The following MCM5 variants were observed in gnomAD, a reference collection of about 807,000 sequenced individuals.
MCM5 encodes the protein DNA replication licensing factor MCM5.
A neutral mutation model predicts 79.9 loss-of-function variants in MCM5; 46 were observed. That is an observed-to-expected ratio of 0.58 (90% CI 0.45 to 0.74). MCM5 has a LOEUF of 0.74. Among genes scored for constraint, MCM5 ranks in the 30% least tolerant of loss-of-function variants. The pLI is 0.00. For missense variants in MCM5, 883 were observed against 1,017.0 expected (o/e 0.87, Z 1.79); for synonymous variants, 404 against 390.5 (o/e 1.03, Z -0.41).
At chr22:35,445,106 C>G in the MCM5 span, among the ~76,000 whole-genome samples, 1 of 152,154 alleles carries the variant, frequency 6.6e-6, no homozygotes, top group Non-Finnish European at 1.5e-5. Context: ...TGGGGTCACA[C>G]CAGCCTGGGG....
chr22:35,431,373 G>C, the MCM5 span, among the ~76,000 whole-genome samples: 404 of 152,344 alleles, frequency 2.7e-3, 8 homozygotes, highest in African/African-American at 9.4e-3. Flanking sequence ...AGCAGTCTCT[G>C]AGAATCAGTC....
the MCM5 span, among the ~76,000 whole-genome samples, chr22:35,444,932 GT>G: frequency 1.3e-5 from 2 of 152,230 alleles, no homozygotes; most frequent in Non-Finnish European, 2.9e-5. Context: ...AAGAATGCCA[GT>G]TATGCTCATG....
At chr22:35,403,186 C>A in intron 2 of MCM5, 21 bp from the exon 3 acceptor site, 2 of 1,613,408 alleles carry the variant, frequency 1.2e-6, no homozygotes, top group Non-Finnish European at 1.7e-6. Flanking sequence ...CCTGCCCCAC[C>A]CTGCTATGTG....
the MCM5 span, among the ~76,000 whole-genome samples, chr22:35,436,967 CTCGCG>C: frequency 1.7e-5 from 2 of 116,922 alleles, no homozygotes; most frequent in African/African-American, 5.4e-5. Context: ...AAGACTCAGC[CTCGCG>C]TCACTAGGGC....
At chr22:35,422,435 G>C (rs550415216) in intron 15 of MCM5, 3 of 152,564 alleles carry the variant, frequency 2.0e-5, no homozygotes, top group Non-Finnish European at 4.4e-5. Flanking sequence ...GGAGGGAGCA[G>C]GTTTGGTGCA....
chr22:35,428,270 C>T (rs1932790837), downstream of MCM5, among the ~76,000 whole-genome samples: 2 of 152,010 alleles, frequency 1.3e-5, no homozygotes, highest in Non-Finnish European at 2.9e-5. Flanking sequence ...GATCTGCCCA[C>T]CTTGGCCTCC....
intron 12 of MCM5, 41 bp downstream of exon 12, chr22:35,416,855 C>T: frequency 6.3e-7 from 1 of 1,596,176 alleles, no homozygotes; most frequent in Non-Finnish European, 8.6e-7. Context: ...GGACCTGCCT[C>T]CAGGCAGGCT....
At chr22:35,446,659 C>T in the MCM5 span, among the ~76,000 whole-genome samples, 7 of 152,236 alleles carry the variant, frequency 4.6e-5, no homozygotes, top group Admixed American at 6.5e-5. Context: ...GCTGCCCGTC[C>T]GCAGTGGGAG....
At chr22:35,403,161 C>T in intron 2 of MCM5, 46 bp from the exon 3 acceptor site, 2 of 1,603,420 alleles carry the variant, frequency 1.2e-6, no homozygotes, top group South Asian at 1.1e-5. Context: ...TTGGTTTCCT[C>T]TTCTTTGCAC....
At chr22:35,449,651 C>T in the MCM5 span, among the ~76,000 whole-genome samples, 2 of 152,096 alleles carry the variant, frequency 1.3e-5, no homozygotes, top group Non-Finnish European at 2.9e-5. Context: ...TGCCCCCGCC[C>T]ATGCTGACAT....
rs1932528052 is a variant in MCM5, at chr22:35,415,953, G to A, written c.1328G>A (p.Cys443Tyr). The A allele has an allele frequency of 1.2e-6, 2 of 1,613,628 alleles. No homozygotes were observed. Among genetic ancestry groups the A allele is most frequent in the Admixed American group, 3.3e-5 (2 of 60,004 alleles). Residue 443 changes from cysteine to tyrosine, a missense_variant, in exon 10 of 17, where the codon TGT becomes TAT. Physicochemically the swap from Cys to Tyr is radical, Grantham distance 194. This residue lies in a region of MCM5 where 426 missense variants were observed against 482.3 expected (regional missense o/e 0.88). Transcript: ENST00000216122. ...GTCCTGGCCGATGGTGGGGTCGTCT[G>A]TATTGACGAGTTTGACAAGGTGAGT... ...AMVLADGGVV[C>Y]IDEFDKMRED...
the MCM5 span, among the ~76,000 whole-genome samples, chr22:35,453,799 G>GATATATAT: frequency 8.9e-3 from 812 of 91,066 alleles, 23 homozygotes; most frequent in Admixed American, 0.031. Flanking sequence ...AGAGACAAAA[G>GATATATAT]ATATATATAT....
At chr22:35,449,343 T>C in the MCM5 span, among the ~76,000 whole-genome samples, 2 of 152,190 alleles carry the variant, frequency 1.3e-5, no homozygotes, top group African/African-American at 4.8e-5. Flanking sequence ...CCCAGGCTCC[T>C]TGCCCCTATC....
chr22:35,400,660 T>A, intron 2 of MCM5, 55 bp downstream of exon 2: 1 of 1,497,248 alleles, frequency 6.7e-7, no homozygotes, highest in Admixed American at 2.1e-5. Flanking sequence ...CTCACACGCC[T>A]CTACCAGCCT....
chr22:35,410,677 G>T, intron 6 of MCM5, 67 bp from the exon 7 acceptor site: 1 of 1,488,982 alleles, frequency 6.7e-7, no homozygotes. Context: ...GGCATGGGTG[G>T]AATCAGAGAC....
rs1445602637 is a variant in MCM5 at position 35,400,610 on chromosome 22, G to A, written c.167+5G>A. ...GGGCTTCACCTTCAAATACAGGTGC[G>A]GCTCCTGCGGGGCCGGGGGCTCGAG... On this transcript the variant is annotated splice_donor_5th_base_variant and intron_variant, in intron 2 of 16. Coordinates refer to ENST00000216122, the MANE Select transcript of MCM5 (RefSeq NM_006739.4). 1 of 1,597,198 alleles carries A rather than the reference G, an allele frequency of 6.3e-7. No homozygotes were observed. Among genetic ancestry groups the A allele is most frequent in the East Asian group, 2.2e-5 (1 of 44,494 alleles).
chr22:35,428,276 C>T (rs1932790893), downstream of MCM5, among the ~76,000 whole-genome samples: 1 of 151,914 alleles, frequency 6.6e-6, no homozygotes, highest in Non-Finnish European at 1.5e-5. Context: ...CCCACCTTGG[C>T]CTCCCAAAGT....
In MCM5 at chr22:35,412,241, G is replaced by A. The variant is rs571241526; in HGVS notation, c.920-269G>A. Among the ~76,000 whole-genome samples, 18 of 152,296 alleles carry A rather than the reference G, an allele frequency of 1.2e-4. No individual in the cohort carries two copies. The South Asian group carries it at 2.5e-3, about 21-fold the overall frequency. ...CGGCTGAAAGGGGAGACCTTCCAGT[G>A]GTTTCCAAGGTCCTATGCCATCTGG... On this transcript the variant is annotated intron_variant, in intron 7 of 16. Coordinates refer to ENST00000216122, the MANE Select transcript of MCM5 (RefSeq NM_006739.4).
chr22:35,446,150 A>G, the MCM5 span, among the ~76,000 whole-genome samples: 1 of 152,224 alleles, frequency 6.6e-6, no homozygotes, highest in Non-Finnish European at 1.5e-5. Context: ...AACTCAGCAT[A>G]ATGATGGATG....
Sources: gnomAD v4.1 joint callset for allele counts (sites outside exome capture counted in the v4.1 genomes callset) on GRCh38, gnomAD v4.1.1 for gene constraint, gnomAD v4.1.1 regional missense constraint, MANE v1.5 for transcripts, NCBI Gene and HGNC (gene_info 2026-07-23, HGNC 2026-07-21) for gene names.